Variants in ITPR3 observed in about 807,000 individuals in gnomAD.
The protein encoded by ITPR3 is inositol 1,4,5-trisphosphate receptor type 3.
ITPR3 carries 173 observed loss-of-function variants against 293.2 expected under a neutral mutation model. The observed-to-expected ratio is 0.59, with a 90% CI of 0.52 to 0.67. ITPR3 has a LOEUF of 0.67. Among genes scored for constraint, ITPR3 ranks in the 30% least tolerant of loss-of-function variants. ITPR3 has a pLI of 0.00. For missense variants in ITPR3, 2,796 were observed against 3,592.1 expected, an observed-to-expected ratio of 0.78 and a Z score of 5.66; for synonymous variants, 1,295 against 1,444.4, an observed-to-expected ratio of 0.90 and a Z score of 2.35.
chr6:33,676,425 A>T (rs7770352), intron 25 of ITPR3, among the ~76,000 whole-genome samples: 9 of 152,196 alleles, frequency 5.9e-5, no homozygotes, highest in African/African-American at 2.2e-4. Flanking sequence ...TGGGTCTTTC[A>T]GGGTTCAGGG....
rs1387543080 is a variant in ITPR3, at chr6:33,668,627, C to T, written c.1999C>T (p.Arg667Trp). 14 of 1,614,092 alleles carry T rather than the reference C, an allele frequency of 8.7e-6. No homozygotes were observed. The highest frequency in any genetic ancestry group is 3.3e-5 in the Admixed American group (2 of 60,004). ...CCCCAAGAACAGTGACATTCTCATC[C>T]GGACCGAGTGAGCCCTGTGCCCCCT... ...LDPKNSDILI[R>W]TELRPVKEMA... Residue 667 changes from arginine (R) to tryptophan (W), a missense_variant, in exon 17 of 58, where the codon CGG becomes TGG. Around this residue, in one of 8 missense-constraint regions of ITPR3, gnomAD observed 955 missense variants for 1,180.8 expected, o/e 0.81. Transcript: ENST00000605930.
At position 33,687,097 on chromosome 6, in the gene ITPR3, A is replaced by G. The variant is rs921999752; in HGVS notation, c.6068A>G (p.Gln2023Arg). 3 of 1,613,936 alleles carry G rather than the reference A, an allele frequency of 1.9e-6. No individual in the cohort carries two copies. The highest frequency in any genetic ancestry group is 2.5e-6 in the Non-Finnish European group (3 of 1,179,930). Residue 2023 changes from glutamine to arginine, a missense_variant, in exon 44 of 58, where the codon CAG (glutamine) becomes CGG (arginine). This residue lies in a region of ITPR3 where 704 missense variants were observed against 797.5 expected (regional missense o/e 0.88). Coordinates refer to ENST00000605930, the MANE Select transcript of ITPR3 (RefSeq NM_002224.4). The surrounding 1 kb of genome is among the most constrained non-coding windows in gnomAD (Gnocchi z 5.3). ...CGAATCCTCATCAGCCTGCGGCCCC[A>G]GGAGCTGGTGAGGCTGGGCAGGTGG... ...AERILISLRPQELVDVIKKAY... is the reference protein window; with the variant it reads ...AERILISLRPRELVDVIKKAY...
chr6:33,682,631 C>G lies in ITPR3; in HGVS notation c.4584C>G (p.Thr1528=). ...HKGSVEACIR[T]LAMVAKGRAI... Reference sequence around the variant, plus strand: ...GCTCCGTGGAGGCCTGCATCCGGACCCTCGCCATGGTGGGTGAGTGTGCCG... The same window carrying G: ...GCTCCGTGGAGGCCTGCATCCGGACGCTCGCCATGGTGGGTGAGTGTGCCG... Residue 1528 remains threonine, a synonymous_variant, in exon 34 of 58, where the codon ACC becomes ACG. Transcript: ENST00000605930. The surrounding 1 kb of genome is among the most constrained non-coding windows in gnomAD (Gnocchi z 5.4). 2 of 1,595,896 alleles carry G rather than the reference C, an allele frequency of 1.3e-6. No homozygotes were observed. Among genetic ancestry groups the G allele is most frequent in the Non-Finnish European group, 1.7e-6 (2 of 1,172,696 alleles).
At position 33,687,483 on chromosome 6, in the gene ITPR3, C is replaced by T; in HGVS notation, c.6183C>T (p.Ser2061=). Residue 2061 remains serine, a synonymous_variant, in exon 46 of 58, where the codon TCC becomes TCT. Coordinates refer to ENST00000605930, the MANE Select transcript of ITPR3 (RefSeq NM_002224.4). The surrounding 1 kb of genome is among the most constrained non-coding windows in gnomAD (Gnocchi z 5.3). The stretch of plus-strand genomic sequence containing the variant: ...TGTGCTGCCATTTCCCTCAGCTCTC[C>T]AGGCACAATAAACAGCTGCAGCACC... ...HNIYILALQL[S]RHNKQLQHLL... is the part of the protein sequence containing the mutation. 1 of 1,611,242 alleles carries T rather than the reference C, an allele frequency of 6.2e-7. No homozygotes were observed. The highest frequency in any genetic ancestry group is 8.5e-7 in the Non-Finnish European group (1 of 1,179,392).
intron 2 of ITPR3, among the ~76,000 whole-genome samples, chr6:33,649,772 A>G (rs897179075): frequency 9.8e-5 from 15 of 152,306 alleles, no homozygotes; most frequent in African/African-American, 3.4e-4. Context: ...TGGGGTAGAA[A>G]GGGAGTGGGG....
Position 33,633,659 on chromosome 6 carries a change from C to G in ITPR3, c.90-6825C>G, listed in dbSNP as rs1253216225. Among the ~76,000 whole-genome samples the G allele has an allele frequency of 2.0e-5, 3 of 150,492 alleles. No individual in the cohort carries two copies. ...CAGCGGCCGGCAGTCGGAGGCAGGC[C>G]GGGGCGAGGCCGCGCTGGCCCTCCC... On this transcript the variant is annotated intron_variant, in intron 1 of 57. Transcript: ENST00000605930. This position sits in a 1 kb window ranked among gnomAD's most constrained non-coding sequence, Gnocchi z 5.2.
chr6:33,667,547 A>G lies in ITPR3; in HGVS notation c.1714-245A>G, dbSNP rs1764643086. On this transcript the variant is annotated intron_variant, in intron 15 of 57. Transcript: ENST00000605930. This position sits in a 1 kb window ranked among gnomAD's most constrained non-coding sequence, Gnocchi z 4.4. ...CTGGGCCCTACAAGTTATGTAGCCA[A>G]TCCTTCCACACAAACAAGGTCCCTG... Among the ~76,000 whole-genome samples, 1 of 152,190 alleles carries G rather than the reference A, an allele frequency of 6.6e-6. No homozygotes were observed. Among genetic ancestry groups the G allele is most frequent in the African/African-American group, 2.4e-5 (1 of 41,448 alleles).
chr6:33,662,173 AG>A (rs889730856), intron 7 of ITPR3, among the ~76,000 whole-genome samples: 1 of 151,768 alleles, frequency 6.6e-6, no homozygotes, highest in African/African-American at 2.4e-5. Context: ...GGGGACACTG[AG>A]GGGGTAAGGT....
chr6:33,641,806 G>A (rs1013499978), intron 2 of ITPR3, among the ~76,000 whole-genome samples: 15 of 152,090 alleles, frequency 9.9e-5, no homozygotes, highest in African/African-American at 3.4e-4. Flanking sequence ...TATCCACGCA[G>A]CCCAGATGCT....
intron 1 of ITPR3, 129 bp from the exon 2 acceptor site, chr6:33,640,355 G>A: frequency 1.3e-6 from 1 of 784,716 alleles, no homozygotes; most frequent in Non-Finnish European, 2.0e-6. Flanking sequence ...TGATGGTGGG[G>A]AGCTTGTTAG....
intron 42 of ITPR3, 34 bp from the exon 43 acceptor site, chr6:33,686,375 C>T (rs984057971): frequency 3.7e-6 from 6 of 1,601,972 alleles, no homozygotes; most frequent in Non-Finnish European, 4.3e-6. Context: ...TCTGAGAGGG[C>T]CTGGGCCCTG....
In ITPR3 at chr6:33,692,746, C is replaced by A; in HGVS notation, c.7477C>A (p.Arg2493=). Residue 2493 remains arginine, a synonymous_variant, in exon 55 of 58, where the codon CGA becomes AGA. Transcript: ENST00000605930. The surrounding 1 kb of genome is among the most constrained non-coding windows in gnomAD (Gnocchi z 4.2). ...CCTGCAGGAGTCTCTCTTCCCAGCCCGAGTGGTCTATGACCTCCTGTTCTT... is the reference window on the plus strand; with the variant it reads ...CCTGCAGGAGTCTCTCTTCCCAGCCAGAGTGGTCTATGACCTCCTGTTCTT... ...PSKDESLFPA[R]VVYDLLFFFI... The A allele has an allele frequency of 1.2e-6, 2 of 1,614,050 alleles. No individual in the cohort carries two copies. The highest frequency in any genetic ancestry group is 8.5e-7 in the Non-Finnish European group (1 of 1,179,964).
intron 1 of ITPR3, among the ~76,000 whole-genome samples, chr6:33,639,779 G>T (rs1458380558): frequency 1.3e-5 from 2 of 151,896 alleles, no homozygotes; most frequent in Non-Finnish European, 2.9e-5. Context: ...ATGGGTGGAG[G>T]GATGAGTGGA....
In ITPR3 at chr6:33,672,072, G is replaced by A; in HGVS notation, c.2772G>A (p.Met924Ile). Residue 924 changes from methionine to isoleucine, a missense_variant, in exon 22 of 58, where the codon ATG becomes ATA. By Grantham distance (10) the Met-to-Ile change is conservative (BLOSUM62 1). Transcript: ENST00000605930. This position sits in a 1 kb window ranked among gnomAD's most constrained non-coding sequence, Gnocchi z 5.0. ...RRSIQGVGHM[M>I]STMVLSRKQS... ...CCATCCAGGGCGTGGGGCACATGAT[G>A]TCCACCATGGTGCTGAGCCGCAAGC... The A allele has an allele frequency of 6.2e-7, 1 of 1,613,256 alleles. No homozygotes were observed. The highest frequency in any genetic ancestry group is 8.5e-7 in the Non-Finnish European group (1 of 1,179,568).
At chr6:33,695,510 G>T (rs773979171) in intron 57 of ITPR3, 4 of 600,994 alleles carry the variant, frequency 6.7e-6, no homozygotes, top group Non-Finnish European at 8.9e-6. Context: ...CAAATCCAGG[G>T]TTTGTGACAC....
rs1765423546 is a variant in ITPR3 at position 33,692,549 on chromosome 6, T to C, written c.7459-179T>C. ...CAGGGCTTCTGCTTGCAATTCTTGC[T>C]CTGTGGAGCCAGGTTGGGTCCACTC... On this transcript the variant is annotated intron_variant, in intron 54 of 57. Transcript: ENST00000605930. This position sits in a 1 kb window ranked among gnomAD's most constrained non-coding sequence, Gnocchi z 4.2. Among the ~76,000 whole-genome samples the C allele has an allele frequency of 1.3e-5, 2 of 152,072 alleles. No homozygotes were observed. Among genetic ancestry groups the C allele is most frequent in the Non-Finnish European group, 2.9e-5 (2 of 68,018 alleles).
At chr6:33,640,647 G>C in intron 2 of ITPR3, 93 bp downstream of exon 2, 1 of 1,097,534 alleles carries the variant, frequency 9.1e-7, no homozygotes, top group Non-Finnish European at 1.3e-6. Flanking sequence ...AGCCCCAGTG[G>C]CTGGATTAGA....
rs747751249 is a variant in ITPR3 at position 33,687,280 on chromosome 6, G to A, written c.6130G>A (p.Val2044Met). 5.6e-6 allele frequency: 9 copies of A among 1,613,764 alleles called. No individual in the cohort carries two copies. The highest frequency in any genetic ancestry group is 7.6e-6 in the Non-Finnish European group (9 of 1,179,776). The change falls in exon 45 of 58, where the codon GTG (valine) becomes ATG (methionine). Residue 2044 changes from valine to methionine, a missense_variant. Val to Met is a conservative substitution (Grantham distance 21). Coordinates refer to ENST00000605930, the MANE Select transcript of ITPR3 (RefSeq NM_002224.4). This position sits in a 1 kb window ranked among gnomAD's most constrained non-coding sequence, Gnocchi z 5.3. Reference protein sequence around the residue: ...LQEEERENSEVSPREVGHNIY... With the variant: ...LQEEERENSEMSPREVGHNIY... ...GGAGGAAGAGCGTGAGAACTCGGAGGTGAGCCCACGTGAAGTGGGCCATAA... is the reference window on the plus strand; with the variant it reads ...GGAGGAAGAGCGTGAGAACTCGGAGATGAGCCCACGTGAAGTGGGCCATAA...
intron 29 of ITPR3, 47 bp from the exon 30 acceptor site, chr6:33,678,592 T>TGGGGGGGGGGGGGGGGG: frequency 1.1e-6 from 1 of 896,278 alleles, no homozygotes; most frequent in Non-Finnish European, 1.5e-6. Flanking sequence ...GGATGGGGGG[T>TGGGGGGGGGGGGGGGGG]GGGGGCGGGG....
Sources: gnomAD v4.1 joint callset for allele counts (sites outside exome capture counted in the v4.1 genomes callset) on GRCh38, gnomAD v4.1.1 for gene constraint, gnomAD v4.1.1 regional missense constraint, Gnocchi (gnomAD v3.1) non-coding constraint, MANE v1.5 for transcripts, NCBI Gene and HGNC (gene_info 2026-07-23, HGNC 2026-07-21) for gene names.